The following KAZN variants were observed in gnomAD, a reference collection of about 807,000 sequenced individuals.
KAZN encodes kazrin, periplakin interacting protein, also known as kazrin.
In KAZN, 40 loss-of-function variants were observed where a neutral mutation model predicts 87.4. The observed-to-expected ratio is 0.46, with a 90% confidence interval of 0.36 to 0.60. The LOEUF (loss-of-function observed/expected upper bound fraction) is 0.60, where lower values mean the gene tolerates loss of function less well. Among genes scored for constraint, KAZN ranks in the 20% least tolerant of loss-of-function variants. The probability of loss-of-function intolerance (pLI) is 0.00; values close to 1 mark genes in which losing one functional copy is unlikely to be tolerated. For missense variants in KAZN, 898 were observed against 1,073.9 expected (o/e 0.84, Z 2.29); for synonymous variants, 466 against 458.3 (o/e 1.02, Z -0.22).
chr1:14,528,090 A>G (rs1053874304), intron 2 of KAZN, among the ~76,000 whole-genome samples: 1 of 151,830 alleles, frequency 6.6e-6, no homozygotes, highest in African/African-American at 2.4e-5. Context: ...CACTCTATGC[A>G]GCCTCTCCAT....
At chr1:14,799,470 T>C (rs1203499768) in intron 1 of KAZN, among the ~76,000 whole-genome samples, 3 of 152,218 alleles carry the variant, frequency 2.0e-5, no homozygotes, top group Non-Finnish European at 4.4e-5. Context: ...TGAAACCTCT[T>C]TAGAATATTG....
chr1:14,284,666 T>C (rs1395730019), intron 2 of KAZN, among the ~76,000 whole-genome samples: 1 of 152,196 alleles, frequency 6.6e-6, no homozygotes, highest in East Asian at 1.9e-4. Context: ...GCATGGAGAA[T>C]GGATCAGACA....
intron 2 of KAZN, among the ~76,000 whole-genome samples, chr1:14,377,455 C>T (rs560954448): frequency 3.9e-5 from 6 of 152,146 alleles, no homozygotes; most frequent in Admixed American, 6.5e-5. Flanking sequence ...CAGTAGAAAA[C>T]GTAAGAAATA....
At chr1:14,393,197 C>T (rs994013572) in intron 2 of KAZN, among the ~76,000 whole-genome samples, 2 of 152,172 alleles carry the variant, frequency 1.3e-5, no homozygotes, top group Admixed American at 6.5e-5. Context: ...CTTGTCAGGG[C>T]TCCAAACAGG....
At chr1:14,407,768 T>A (rs927760519) in intron 2 of KAZN, among the ~76,000 whole-genome samples, 1 of 152,206 alleles carries the variant, frequency 6.6e-6, no homozygotes, top group African/African-American at 2.4e-5. Flanking sequence ...GTCTTTTTTT[T>A]TAAAAAGACA....
chr1:15,011,807 C>T lies in KAZN; in HGVS notation c.419-22942C>T, dbSNP rs1051094726. 3.9e-5 allele frequency among the ~76,000 whole-genome samples: 6 copies of T among 152,124 alleles called. No individual in the cohort carries two copies. In the South Asian group the frequency reaches 6.2e-4, roughly 16 times the overall value. ...TTGTGTCCTCATGTAGCCAACACTG[C>T]GCACTCAGGGTTGGGGGCGGGGCAC... is the stretch of plus-strand genomic sequence containing the variant. On this transcript the variant is annotated intron_variant, in intron 2 of 14. Coordinates refer to ENST00000376030, the MANE Select transcript of KAZN (RefSeq NM_201628.3).
intron 2 of KAZN, among the ~76,000 whole-genome samples, chr1:14,286,792 A>G (rs1272189673): frequency 6.6e-6 from 1 of 152,204 alleles, no homozygotes; most frequent in Admixed American, 6.5e-5. Flanking sequence ...GCTTAGAACT[A>G]TAACACTCAT....
At chr1:14,760,049 A>G (rs1340439888) in intron 1 of KAZN, among the ~76,000 whole-genome samples, 4 of 152,042 alleles carry the variant, frequency 2.6e-5, no homozygotes, top group African/African-American at 9.7e-5. Context: ...GCCTCACCTC[A>G]GGACACACCC....
rs149893374 is a variant in KAZN, at chr1:14,733,695, G to A, written c.226+134472G>A. On this transcript the variant is annotated intron_variant, in intron 1 of 14. Transcript: ENST00000376030. ...ACTCGGGGGTCATAGCAGCTTCCTG[G>A]ATGTGTCTGAGTCATCAAAGCTCTG... is the stretch of plus-strand genomic sequence containing the variant. Among the ~76,000 whole-genome samples the A allele has an allele frequency of 6.5e-3, 985 of 152,194 alleles. 10 individuals are homozygous for A. The highest frequency in any genetic ancestry group is 0.014 in the Middle Eastern group (4 of 294).
intron 2 of KAZN, among the ~76,000 whole-genome samples, chr1:14,559,162 A>C (rs1674097662): frequency 6.6e-6 from 1 of 152,150 alleles, no homozygotes; most frequent in South Asian, 2.1e-4. Context: ...TTATATTCCA[A>C]TCAACTGAGC....
In KAZN at chr1:14,901,160, G is replaced by C. The variant is rs113017944; in HGVS notation, c.227-59524G>C. On this transcript the variant is annotated intron_variant, in intron 1 of 14. Transcript: ENST00000376030. Reference sequence around the variant, plus strand: ...ACTGGTCGGGGACAACTGGGGGAAGGCTTCAGAGAAGGTGCTGGGGAAGGT... The same window carrying C: ...ACTGGTCGGGGACAACTGGGGGAAGCCTTCAGAGAAGGTGCTGGGGAAGGT... Among the ~76,000 whole-genome samples the C allele has an allele frequency of 3.4e-3, 512 of 152,282 alleles. 6 individuals carry two copies. Among genetic ancestry groups the C allele is most frequent in the Middle Eastern group, 0.014 (4 of 294 alleles).
At chr1:14,946,586 C>T (rs142933771) in intron 1 of KAZN, among the ~76,000 whole-genome samples, 17 of 152,206 alleles carry the variant, frequency 1.1e-4, no homozygotes, top group Non-Finnish European at 1.8e-4. Flanking sequence ...TTAGAAAGCA[C>T]GCGTCTGTTC....
intron 1 of KAZN, among the ~76,000 whole-genome samples, chr1:14,686,540 T>C (rs1640961952): frequency 6.6e-6 from 1 of 152,256 alleles, no homozygotes; most frequent in African/African-American, 2.4e-5. Flanking sequence ...ATTTTTACAA[T>C]GAACATCATT....
chr1:15,093,274 A>T (rs562913417), intron 8 of KAZN, among the ~76,000 whole-genome samples: 1 of 152,154 alleles, frequency 6.6e-6, no homozygotes, highest in Admixed American at 6.5e-5. Flanking sequence ...GTGTGTTTGT[A>T]AGTGTGGCTT....
intron 2 of KAZN, among the ~76,000 whole-genome samples, chr1:14,483,037 C>T (rs924742236): frequency 5.3e-5 from 8 of 152,150 alleles, no homozygotes; most frequent in Admixed American, 1.3e-4. Flanking sequence ...ATGCAAAGAG[C>T]TTTTCTAAGC....
At chr1:14,588,971 A>G (rs1292583569) in intron 2 of KAZN, among the ~76,000 whole-genome samples, 3 of 151,982 alleles carry the variant, frequency 2.0e-5, no homozygotes, top group East Asian at 3.9e-4. Flanking sequence ...ACTGGAGGAG[A>G]GTTTGGGGCC....
At chr1:14,312,011 TCTG>T (rs1285865898) in intron 2 of KAZN, among the ~76,000 whole-genome samples, 1 of 152,152 alleles carries the variant, frequency 6.6e-6, no homozygotes, top group African/African-American at 2.4e-5. Flanking sequence ...TTGGATGCCT[TCTG>T]CTGGAGAACG....
intron 1 of KAZN, among the ~76,000 whole-genome samples, chr1:14,737,165 T>C (rs1314577908): frequency 6.6e-6 from 1 of 151,942 alleles, no homozygotes; most frequent in Non-Finnish European, 1.5e-5. Flanking sequence ...GTGAAGGAGA[T>C]CAACGAGAGC....
At chr1:14,995,698 T>C (rs955069121) in intron 2 of KAZN, among the ~76,000 whole-genome samples, 4 of 152,018 alleles carry the variant, frequency 2.6e-5, no homozygotes, top group Non-Finnish European at 5.9e-5. Context: ...TGGGAGCTTT[T>C]GTTTGTCTCT....
Sources: gnomAD v4.1 joint callset for allele counts (sites outside exome capture counted in the v4.1 genomes callset) on GRCh38, gnomAD v4.1.1 for gene constraint, MANE v1.5 for transcripts, NCBI Gene and HGNC (gene_info 2026-07-23, HGNC 2026-07-21) for gene names.